Variants in TARS1 observed in about 807,000 individuals in gnomAD.
TARS1 encodes the protein threonyl-tRNA synthetase 1.
Under a neutral mutation model 97.7 loss-of-function variants are expected in TARS1, and 57 were observed. That is an observed-to-expected ratio of 0.58 (90% CI 0.47 to 0.73). The LOEUF is 0.73. Ranked by LOEUF, TARS1 falls within the 30% of genes least tolerant of loss-of-function variation. The probability of loss-of-function intolerance (pLI) is 0.00; values close to 1 mark genes in which losing one functional copy is unlikely to be tolerated. For missense variants in TARS1, 806 were observed against 888.3 expected (o/e 0.91, Z 1.18); for synonymous variants, 312 against 293.7 (o/e 1.06, Z -0.64).
rs1272192724 is a variant in TARS1, at chr5:33,455,631, A to C, written c.620A>C (p.Lys207Thr). 6.2e-7 allele frequency: 1 copy of C among 1,613,078 alleles called. No homozygotes were observed. The highest frequency in any genetic ancestry group is 8.5e-7 in the Non-Finnish European group (1 of 1,179,326). Residue 207 changes from lysine (K) to threonine (T), a missense_variant, in exon 6 of 19, where the codon AAG becomes ACG. Lys to Thr is a moderately conservative substitution (Grantham distance 78). Around this residue, in one of 3 missense-constraint regions of TARS1, gnomAD observed 356 missense variants for 357.8 expected, o/e 0.99. Transcript: ENST00000265112. ...NDFSSLEALC[K>T]KIIKEKQAFE... The stretch of plus-strand genomic sequence containing the variant: ...TTCTCTTCTCTGGAGGCTTTGTGTA[A>C]GAAAATCATTAAAGAAAAACAAGCT...
chr5:33,454,997 A>G lies in TARS1; in HGVS notation c.506A>G (p.Tyr169Cys), dbSNP rs1388151803. The change falls in exon 5 of 19, where the codon TAT becomes TGT. Residue 169 changes from tyrosine to cysteine, a missense_variant. Physicochemically the swap from Tyr to Cys is radical, Grantham distance 194. Transcript: ENST00000265112. ...ATGGGTGAAGCCATGGAAAGAGTCT[A>G]TGGTGGATGTTTATGCTACGGTCCG... is the stretch of plus-strand genomic sequence containing the variant. ...HIMGEAMERV[Y>C]GGCLCYGPPI... The G allele has an allele frequency of 3.7e-6, 6 of 1,613,950 alleles. No individual in the cohort carries two copies. The Admixed American group carries it at 5.0e-5, about 13-fold the overall frequency.
At chr5:33,447,641 A>G (rs566848240) in intron 2 of TARS1, among the ~76,000 whole-genome samples, 1,990 of 152,346 alleles carry the variant, frequency 0.013, 28 homozygotes, top group African/African-American at 0.037. Context: ...AGACGTTGGT[A>G]GCATTATCAA....
At chr5:33,466,067 G>C (rs539789529) in intron 17 of TARS1, 5 of 152,324 alleles carry the variant, frequency 3.3e-5, no homozygotes, top group African/African-American at 1.2e-4. Flanking sequence ...TGTAACTTCT[G>C]CGTCTACAAA....
intron 3 of TARS1, among the ~76,000 whole-genome samples, chr5:33,449,327 ACGCG>A (rs5867191): frequency 0.14 from 20,629 of 145,358 alleles, 1,644 homozygotes; most frequent in South Asian, 0.24. Context: ...GTATATATAT[ACGCG>A]TATATATACA....
chr5:33,444,034 T>A (rs978895153), intron 1 of TARS1, among the ~76,000 whole-genome samples: 10 of 152,120 alleles, frequency 6.6e-5, no homozygotes, highest in Admixed American at 5.9e-4. Flanking sequence ...CATCAACTGA[T>A]AAATGGATAA....
chr5:33,441,181 A>G (rs772875016), intron 1 of TARS1, 38 bp downstream of exon 1: 1 of 1,612,100 alleles, frequency 6.2e-7, no homozygotes, highest in African/African-American at 1.3e-5. Context: ...CCAGCCTGGG[A>G]CTCTAGTGGG....
rs1741220535 is a variant in TARS1 at position 33,443,320 on chromosome 5, C to CTCTCT, written c.58-2004_58-2003insTCTCT. Among the ~76,000 whole-genome samples the CTCTCT allele has an allele frequency of 9.3e-3, 1,103 of 118,486 alleles. 84 individuals carry two copies. The highest frequency in any genetic ancestry group is 0.029 in the East Asian group (104 of 3,586). The allele number at this position is 118,486 out of a possible 152,430, so 77.7% of individuals were successfully genotyped here. ...TGTGGTGATTCCCTCTCTCTCTCTC[C>CTCTCT]CTCTCTCTCTCTCTCTCTCTCTCTC... On this transcript the variant is annotated intron_variant, in intron 1 of 18. Transcript: ENST00000265112.
At chr5:33,451,373 CTTT>C (rs202149660) in intron 3 of TARS1, among the ~76,000 whole-genome samples, 142 of 138,912 alleles carry the variant, frequency 1.0e-3, no homozygotes, top group Non-Finnish European at 1.8e-3. Flanking sequence ...TGTTATAAAT[CTTT>C]TTTTTTTTTT....
rs371187302 is a variant in TARS1, at chr5:33,459,889, A to C, written c.1250+28A>C. 9 of 1,594,018 alleles carry C rather than the reference A, an allele frequency of 5.6e-6. No individual in the cohort carries two copies. The African/African-American group carries it at 1.1e-4, about 19-fold the overall frequency. The stretch of plus-strand genomic sequence containing the variant: ...ATTCGGCAGCTTTGAATTTCTACTG[A>C]AGATTTTCACATGCTACAATTCATC... On this transcript the variant is annotated intron_variant, in intron 11 of 18. Coordinates refer to ENST00000265112, the MANE Select transcript of TARS1 (RefSeq NM_152295.5).
chr5:33,451,522 C>T (rs1741733686), intron 3 of TARS1, among the ~76,000 whole-genome samples: 1 of 151,798 alleles, frequency 6.6e-6, no homozygotes, highest in Middle Eastern at 3.2e-3. Flanking sequence ...TTACAGGCGC[C>T]CGCCACCACG....
At chr5:33,452,339 A>G in intron 3 of TARS1, 1 of 1,535,102 alleles carries the variant, frequency 6.5e-7, no homozygotes, top group Non-Finnish European at 8.7e-7. Context: ...ACTCTGCTCT[A>G]GTCACACAGC....
chr5:33,446,539 G>A (rs909403672), intron 2 of TARS1: 3 of 485,454 alleles, frequency 6.2e-6, no homozygotes, highest in African/African-American at 4.0e-5. Context: ...GATTATTTAT[G>A]TTTAACGATT....
rs1411134136 is a variant in TARS1, at chr5:33,448,665, C to A, written c.263C>A (p.Pro88His). Residue 88 changes from proline (P) to histidine (H), a missense_variant, in exon 3 of 19, where the codon CCT (proline) becomes CAT (histidine). Pro to His is a moderately conservative substitution (Grantham distance 77). Transcript: ENST00000265112. ...KDSKPIKVTLPDGKQVDAESW... is the reference protein window; with the variant it reads ...KDSKPIKVTLHDGKQVDAESW... ...AGCAAGCCAATTAAAGTCACTTTGC[C>A]TGATGGTAAACAGGTTGATGCGGAA... The A allele has an allele frequency of 2.5e-6, 4 of 1,613,888 alleles. No homozygotes were observed. The highest frequency in any genetic ancestry group is 3.4e-6 in the Non-Finnish European group (4 of 1,179,910).
In TARS1 at chr5:33,465,205, T is replaced by C. The variant is rs1333075984; in HGVS notation, c.1908+1380T>C. Among the ~76,000 whole-genome samples the C allele has an allele frequency of 2.0e-5, 3 of 152,396 alleles. No homozygotes were observed. The East Asian group carries it at 5.8e-4, about 29-fold the overall frequency. On this transcript the variant is annotated intron_variant, in intron 17 of 18. Coordinates refer to ENST00000265112, the MANE Select transcript of TARS1 (RefSeq NM_152295.5). ...TTACAAATGATGACAATCAAAGTTA[T>C]GTTCCATGGTTGAGTGCACTTTGTC...
In TARS1 at chr5:33,445,397, G is replaced by A. The variant is rs759086547; in HGVS notation, c.131G>A (p.Arg44Gln). The A allele has an allele frequency of 6.2e-6, 10 of 1,612,832 alleles. No individual in the cohort carries two copies. The South Asian group carries it at 6.6e-5, about 11-fold the overall frequency. Residue 44 changes from arginine to glutamine, a missense_variant, in exon 2 of 19, where the codon CGA (arginine) becomes CAA (glutamine). Around this residue, in one of 3 missense-constraint regions of TARS1, gnomAD observed 356 missense variants for 357.8 expected, o/e 0.99. Transcript: ENST00000265112. ...KNKEGSGDGG[R>Q]AELNPWPEYI... ...AAAGAAGGATCTGGAGATGGAGGTCGAGCTGAGGTAAAAGTTATCATCACA... is the reference window on the plus strand; with the variant it reads ...AAAGAAGGATCTGGAGATGGAGGTCAAGCTGAGGTAAAAGTTATCATCACA...
chr5:33,453,598 G>T (rs553354497), intron 4 of TARS1, among the ~76,000 whole-genome samples, 186 bp downstream of exon 4: 4 of 152,114 alleles, frequency 2.6e-5, no homozygotes, highest in Admixed American at 2.6e-4. Context: ...AAATAAAGGG[G>T]TGAAGCTGAA....
At chr5:33,455,846 A>G in intron 6 of TARS1, 142 bp downstream of exon 6, 1 of 987,906 alleles carries the variant, frequency 1.0e-6, no homozygotes. Flanking sequence ...TTATTTTTTT[A>G]ATTTCATTTT....
In TARS1 at chr5:33,455,717, A is replaced by G. The variant is rs748939401; in HGVS notation, c.693+13A>G. 4 of 1,533,868 alleles carry G rather than the reference A, an allele frequency of 2.6e-6. No individual in the cohort carries two copies. The Admixed American group carries it at 5.1e-5, about 19-fold the overall frequency. ...GGCAATGTTTAAGGTAAATTGAACC[A>G]TAGTGCGTGGCCCCCACTGTTAATA... On this transcript the variant is annotated intron_variant, in intron 6 of 18. Coordinates refer to ENST00000265112, the MANE Select transcript of TARS1 (RefSeq NM_152295.5).
Position 33,465,149 on chromosome 5 carries a change from C to A in TARS1, c.1908+1324C>A, listed in dbSNP as rs115269494. ...CCATCTAATAGATAAACCATTCAGA[C>A]TATTCCTGTTACTGCACTCAGTAGT... On this transcript the variant is annotated intron_variant, in intron 17 of 18. Transcript: ENST00000265112. Among the ~76,000 whole-genome samples the A allele has an allele frequency of 6.1e-3, 928 of 152,282 alleles. 10 individuals are homozygous for A. Among genetic ancestry groups the A allele is most frequent in the African/African-American group, 0.021 (884 of 41,550 alleles).
Sources: allele counts gnomAD v4.1 joint callset (sites outside exome capture counted in the v4.1 genomes callset), GRCh38; gene constraint gnomAD v4.1.1; regional missense constraint gnomAD v4.1.1; transcripts MANE v1.5; gene names NCBI Gene and HGNC (gene_info 2026-07-23, HGNC 2026-07-21).